The following CCM2 variants were observed in gnomAD, a reference collection of about 807,000 sequenced individuals.
CCM2 encodes CCM2 scaffold protein.
CCM2 carries 25 observed loss-of-function variants against 44.9 expected under a neutral mutation model. The ratio of observed to expected loss-of-function variants is 0.56; its 90% CI spans 0.41 to 0.78. The LOEUF is 0.78. Ranked by LOEUF, CCM2 falls within the 30% of genes least tolerant of loss-of-function variation. CCM2 has a pLI of 0.00. For synonymous variants in CCM2, 219 were observed against 241.1 expected, an observed-to-expected ratio of 0.91 and a Z score of 0.85; for missense variants, 481 against 580.6, an observed-to-expected ratio of 0.83 and a Z score of 1.76.
At chr7:45,024,725 T>C (rs1796616265) in intron 1 of CCM2, among the ~76,000 whole-genome samples, 1 of 152,252 alleles carries the variant, frequency 6.6e-6, no homozygotes, top group South Asian at 2.1e-4. Flanking sequence ...CATATTCCCA[T>C]TTATCAGGAT....
At chr7:45,001,125 C>T (rs147692342) in intron 1 of CCM2, among the ~76,000 whole-genome samples, 2 of 152,322 alleles carry the variant, frequency 1.3e-5, no homozygotes, top group East Asian at 1.9e-4. Context: ...AAGTTTAAAG[C>T]AGACCTCGAT....
intron 1 of CCM2, among the ~76,000 whole-genome samples, chr7:45,034,468 C>T (rs1438198690): frequency 2.7e-5 from 4 of 150,212 alleles, no homozygotes; most frequent in Non-Finnish European, 5.9e-5. Flanking sequence ...CAGTCTTGGC[C>T]TCCCAAAGTG....
At chr7:45,019,178 T>A (rs995642391) in intron 1 of CCM2, among the ~76,000 whole-genome samples, 13 of 151,524 alleles carry the variant, frequency 8.6e-5, no homozygotes, top group African/African-American at 2.7e-4. Context: ...TTCAAGTGAT[T>A]CTCCTGCCTC....
intron 2 of CCM2, among the ~76,000 whole-genome samples, chr7:45,055,234 G>A (rs1317516957): frequency 1.3e-5 from 2 of 152,152 alleles, no homozygotes; most frequent in Non-Finnish European, 2.9e-5. Flanking sequence ...TTTTGTTTCA[G>A]CAAAGCACTT....
At chr7:45,011,673 T>A (rs1796073281) in intron 1 of CCM2, among the ~76,000 whole-genome samples, 1 of 152,080 alleles carries the variant, frequency 6.6e-6, no homozygotes, top group Non-Finnish European at 1.5e-5. Flanking sequence ...TACCTCAGCC[T>A]CCCAAGTAGC....
intron 4 of CCM2, 48 bp downstream of exon 4, chr7:45,064,694 G>A: frequency 6.2e-7 from 1 of 1,601,418 alleles, no homozygotes; most frequent in South Asian, 1.1e-5. Flanking sequence ...AGGAGTACAT[G>A]TGTGAATTTT....
chr7:45,026,022 C>G (rs1208219633), intron 1 of CCM2, among the ~76,000 whole-genome samples: 1 of 152,176 alleles, frequency 6.6e-6, no homozygotes, highest in Non-Finnish European at 1.5e-5. Flanking sequence ...GACTAGTGTT[C>G]AGAGCATGTG....
rs1326723174 is a variant in CCM2 at position 45,020,854 on chromosome 7, G to GT, written c.31-17397dup. ...AAAATCACACCCACTAGAAACAACT[G>GT]TTATTAGTCTTTCACGTTGCTTTCC... On this transcript the variant is annotated intron_variant, in intron 1 of 9. Coordinates refer to ENST00000258781, the MANE Select transcript of CCM2 (RefSeq NM_031443.4). 4.6e-4 allele frequency among the ~76,000 whole-genome samples: 17 copies of GT among 36,876 alleles called. No homozygotes were observed. In the African/African-American group the frequency reaches 5.7e-3, roughly 12 times the overall value. 24.2% of individuals were successfully genotyped at this position (36,876 alleles called of 152,430 possible).
chr7:45,074,427 G>C lies in CCM2; in HGVS notation c.1054+19G>C, dbSNP rs964429862. The C allele has an allele frequency of 7.5e-6, 12 of 1,607,910 alleles. No individual in the cohort carries two copies. Among genetic ancestry groups the C allele is most frequent in the Non-Finnish European group, 9.4e-6 (11 of 1,176,300 alleles). On this transcript the variant is annotated intron_variant, in intron 9 of 9. Coordinates refer to ENST00000258781, the MANE Select transcript of CCM2 (RefSeq NM_031443.4). The stretch of plus-strand genomic sequence containing the variant: ...CTGCTTGGTGAGTGGGCCCTGGAAA[G>C]AGGGTGGCTTGTCCAAACCTGGCTT...
chr7:45,010,993 A>G (rs1056481980), intron 1 of CCM2, among the ~76,000 whole-genome samples: 1 of 152,190 alleles, frequency 6.6e-6, no homozygotes, highest in Non-Finnish European at 1.5e-5. Context: ...GTTTAACTTT[A>G]TAAGACACTG....
chr7:45,020,442 T>C (rs934603943), intron 1 of CCM2, among the ~76,000 whole-genome samples: 4 of 152,172 alleles, frequency 2.6e-5, no homozygotes, highest in African/African-American at 4.8e-5. Context: ...TAGGGTGGAA[T>C]GGCATTTTTA....
chr7:45,050,480 C>T (rs967941378), intron 2 of CCM2, among the ~76,000 whole-genome samples: 1 of 152,168 alleles, frequency 6.6e-6, no homozygotes, highest in Admixed American at 6.5e-5. Flanking sequence ...GAACCAAGCC[C>T]CAGCAGATAC....
intron 2 of CCM2, among the ~76,000 whole-genome samples, chr7:45,047,204 C>T (rs906958309): frequency 6.6e-6 from 1 of 152,184 alleles, no homozygotes; most frequent in African/African-American, 2.4e-5. Context: ...TTGGCAATTG[C>T]ACTCCTAGGC....
chr7:45,051,879 G>A (rs534026838), intron 2 of CCM2, among the ~76,000 whole-genome samples: 5 of 152,246 alleles, frequency 3.3e-5, no homozygotes, highest in South Asian at 2.1e-4. Context: ...CTAATTTTTT[G>A]TATTTTTAGT....
At chr7:45,054,436 A>G (rs776888260) in intron 2 of CCM2, among the ~76,000 whole-genome samples, 2 of 152,018 alleles carry the variant, frequency 1.3e-5, no homozygotes, top group Non-Finnish European at 2.9e-5. Context: ...AACTTTATCA[A>G]TCAAGGCCAA....
At chr7:45,000,454 CGGGGG>C in intron 1 of CCM2, 91 bp downstream of exon 1, 1 of 80,984 alleles carries the variant, frequency 1.2e-5, no homozygotes, top group Non-Finnish European at 2.2e-5. Flanking sequence ...CCTTGGGGCC[CGGGGG>C]GGGGGGCAGT....
chr7:45,038,753 A>C (rs1193683686), intron 2 of CCM2, among the ~76,000 whole-genome samples: 1 of 152,208 alleles, frequency 6.6e-6, no homozygotes, highest in African/African-American at 2.4e-5. Flanking sequence ...TGTAGTTTGC[A>C]GTTGAAAAGA....
chr7:45,012,184 A>C (rs1796092547), intron 1 of CCM2, among the ~76,000 whole-genome samples: 1 of 136,364 alleles, frequency 7.3e-6, no homozygotes, highest in Non-Finnish European at 1.5e-5. Flanking sequence ...CCCAGGCTGC[A>C]GTGTAGTGCT....
chr7:45,026,777 A>T (rs1562870868), intron 1 of CCM2, among the ~76,000 whole-genome samples: 1 of 151,626 alleles, frequency 6.6e-6, no homozygotes. Context: ...TAATTTTTCT[A>T]CTTTCAGTAG....
Sources: allele counts gnomAD v4.1 joint callset (sites outside exome capture counted in the v4.1 genomes callset), GRCh38; gene constraint gnomAD v4.1.1; transcripts MANE v1.5; gene names NCBI Gene and HGNC (gene_info 2026-07-23, HGNC 2026-07-21).